ZFYVE1: variants seen among roughly 807,000 people sequenced by gnomAD.
ZFYVE1 encodes zinc finger FYVE domain-containing protein 1.
In ZFYVE1, 30 loss-of-function variants were observed where a neutral mutation model predicts 74.4. The observed-to-expected ratio is 0.40, with a 90% CI of 0.30 to 0.55. ZFYVE1 has a LOEUF of 0.55. ZFYVE1 is among the 20% of genes least tolerant of loss of function. The pLI, the probability that ZFYVE1 is intolerant of heterozygous loss-of-function variation, is 0.42. For missense variants in ZFYVE1, 703 were observed against 1,011.6 expected (o/e 0.69, Z 4.14); for synonymous variants, 335 against 385.1 (o/e 0.87, Z 1.52).
intron 2 of ZFYVE1, among the ~76,000 whole-genome samples, chr14:73,000,608 GAAAAA>G (rs554256584): frequency 8.8e-6 from 1 of 113,394 alleles, no homozygotes; most frequent in Non-Finnish European, 1.9e-5. Flanking sequence ...TGTCTCTAAA[GAAAAA>G]AAAAAAAAAG....
At position 73,024,090 on chromosome 14, in the gene ZFYVE1, T is replaced by C. The variant is rs772681051; in HGVS notation, c.419A>G (p.Lys140Arg). The C allele has an allele frequency of 2.5e-6, 4 of 1,614,220 alleles. No homozygotes were observed. In the South Asian group the frequency reaches 4.4e-5, roughly 18 times the overall value. Residue 140 changes from lysine (K) to arginine (R), a missense_variant, in exon 2 of 12, where the codon AAG (lysine) becomes AGG (arginine). Around this residue, in one of 2 missense-constraint regions of ZFYVE1, gnomAD observed 211 missense variants for 221.7 expected, o/e 0.95. Coordinates refer to ENST00000556143, the MANE Select transcript of ZFYVE1 (RefSeq NM_021260.4). ...LEAEEMDEET[K>R]RKKMTEKVVS... The stretch of plus-strand genomic sequence containing the variant: ...AACCTTCTCAGTCATCTTCTTCCTC[T>C]TGGTCTCCTCATCCATCTCTTCTGC...
At chr14:72,979,098 T>C (rs1893256599) in intron 5 of ZFYVE1, 129 bp from the exon 6 acceptor site, 2 of 777,530 alleles carry the variant, frequency 2.6e-6, no homozygotes, top group East Asian at 2.5e-5. Context: ...CCTCAGATGC[T>C]GAACACAGAA....
At position 72,969,922 on chromosome 14, in the gene ZFYVE1, A is replaced by C. The variant is rs888164163; in HGVS notation, c.*960T>G. ...GGTTTCTCATGATCGCCCCTCCGAGAGCTAGAGGGGTTGTGTGTCTGGGAA... is the reference window on the plus strand; with the variant it reads ...GGTTTCTCATGATCGCCCCTCCGAGCGCTAGAGGGGTTGTGTGTCTGGGAA... On this transcript the variant is annotated 3_prime_UTR_variant, in exon 12 of 12. Transcript: ENST00000556143. 1 of 599,228 alleles carries C rather than the reference A, an allele frequency of 1.7e-6. No homozygotes were observed. Among genetic ancestry groups the C allele is most frequent in the African/African-American group, 1.9e-5 (1 of 53,510 alleles). The allele number at this position is 599,228 out of a possible 1,614,324, so 37.1% of individuals were successfully genotyped here.
chr14:73,020,295 T>C (rs1594867725), intron 2 of ZFYVE1, among the ~76,000 whole-genome samples: 1 of 148,042 alleles, frequency 6.8e-6, no homozygotes, highest in Non-Finnish European at 1.5e-5. Context: ...AAGGAAAGGA[T>C]AAGTATACAT....
chr14:72,982,803 C>T (rs931538862), intron 4 of ZFYVE1, among the ~76,000 whole-genome samples: 4 of 151,634 alleles, frequency 2.6e-5, no homozygotes, highest in Non-Finnish European at 5.9e-5. Context: ...TAAAGGAGAT[C>T]TGGAAAAAGG....
chr14:73,014,967 G>A (rs1894159423), intron 2 of ZFYVE1, among the ~76,000 whole-genome samples: 1 of 152,092 alleles, frequency 6.6e-6, no homozygotes, highest in African/African-American at 2.4e-5. Context: ...GGGTGCAGTG[G>A]CTCATGCCTG....
At chr14:72,997,729 C>T (rs996466405) in intron 3 of ZFYVE1, 82 bp downstream of exon 3, 35 of 1,493,546 alleles carry the variant, frequency 2.3e-5, no homozygotes, top group Non-Finnish European at 3.1e-5. Context: ...AATCCACTAC[C>T]AACAAGTTGC....
intron 5 of ZFYVE1, among the ~76,000 whole-genome samples, chr14:72,980,640 T>C (rs1893303280): frequency 6.6e-6 from 1 of 152,096 alleles, no homozygotes. Context: ...CAATCTCAGC[T>C]CACTGCGGGC....
At chr14:72,988,635 CGT>C (rs1208453742) in intron 4 of ZFYVE1, among the ~76,000 whole-genome samples, 1 of 151,318 alleles carries the variant, frequency 6.6e-6, no homozygotes, top group Admixed American at 6.6e-5. Flanking sequence ...GGTGAAACCC[CGT>C]CTCTACTAAA....
chr14:73,005,223 G>A (rs1042413190), intron 2 of ZFYVE1, among the ~76,000 whole-genome samples: 12 of 152,036 alleles, frequency 7.9e-5, no homozygotes, highest in African/African-American at 9.7e-5. Context: ...TAGCAAGACC[G>A]GTTTTCAGTC....
At chr14:73,010,768 TAAAAAAAAAA>T (rs35771113) in intron 2 of ZFYVE1, among the ~76,000 whole-genome samples, 1 of 58,986 alleles carries the variant, frequency 1.7e-5, no homozygotes, top group Non-Finnish European at 2.9e-5. Context: ...AGACTCCATC[TAAAAAAAAAA>T]AAAAAAAAAA....
intron 4 of ZFYVE1, among the ~76,000 whole-genome samples, chr14:72,991,437 C>T (rs1195194392): frequency 6.6e-6 from 1 of 152,174 alleles, no homozygotes; most frequent in East Asian, 1.9e-4. Context: ...GATCCGCCCG[C>T]CTCGGCTTCC....
rs139314162 is a variant in ZFYVE1 at position 72,975,638 on chromosome 14, C to A, written c.1719G>T (p.Glu573Asp). 1.2e-6 allele frequency: 2 copies of A among 1,614,104 alleles called. No individual in the cohort carries two copies. The highest frequency in any genetic ancestry group is 2.7e-5 in the African/African-American group (2 of 74,934). Residue 573 changes from glutamate (E) to aspartate (D), a missense_variant, in exon 9 of 12, where the codon GAG (glutamate) becomes GAT (aspartate). Glu to Asp is a conservative substitution (Grantham distance 45). Transcript: ENST00000556143. This position sits in a 1 kb window ranked among gnomAD's most constrained non-coding sequence, Gnocchi z 4.1. ...GMNFMAQSVS[E>D]LSLGPTKAVT... The stretch of plus-strand genomic sequence containing the variant: ...CAGCCTTGGTGGGTCCAAGGCTAAG[C>A]TCGGACACCGACTGAGCCATGAAGT...
At chr14:72,986,502 T>C (rs12323848) in intron 4 of ZFYVE1, among the ~76,000 whole-genome samples, 68,415 of 147,184 alleles carry the variant, frequency 0.46, 16,371 homozygotes, top group Middle Eastern at 0.55. Flanking sequence ...AATCCAACGT[T>C]AGCATGTTTT....
chr14:72,973,420 C>T (rs1167367442), intron 11 of ZFYVE1, among the ~76,000 whole-genome samples: 1 of 151,932 alleles, frequency 6.6e-6, no homozygotes, highest in African/African-American at 2.4e-5. Context: ...ACCTGGAAGG[C>T]GGAGGTTGCA....
At chr14:73,026,599 T>C (rs1005608888) in intron 1 of ZFYVE1, among the ~76,000 whole-genome samples, 1 of 152,014 alleles carries the variant, frequency 6.6e-6, no homozygotes, top group Non-Finnish European at 1.5e-5. Flanking sequence ...CGCCCGGCCA[T>C]GTCAACCAAA....
chr14:73,013,067 T>A (rs1262337651), intron 2 of ZFYVE1, among the ~76,000 whole-genome samples: 1 of 152,066 alleles, frequency 6.6e-6, no homozygotes, highest in Admixed American at 6.6e-5. Flanking sequence ...TATTCTAACA[T>A]CTAGGGTCAA....
At chr14:73,020,792 A>G (rs1054957341) in intron 2 of ZFYVE1, among the ~76,000 whole-genome samples, 3 of 152,190 alleles carry the variant, frequency 2.0e-5, no homozygotes. Context: ...CCTAGCCAAC[A>G]TGCAAAACCA....
chr14:72,992,627 CCTT>C (rs201594113), intron 4 of ZFYVE1, among the ~76,000 whole-genome samples: 5,483 of 101,212 alleles, frequency 0.054, 563 homozygotes, highest in East Asian at 0.19. Flanking sequence ...CCCCCCCGCC[CCTT>C]GCAAGAGAGA....
Sources: gnomAD v4.1 joint callset for allele counts (sites outside exome capture counted in the v4.1 genomes callset) on GRCh38, gnomAD v4.1.1 for gene constraint, gnomAD v4.1.1 regional missense constraint, Gnocchi (gnomAD v3.1) non-coding constraint, MANE v1.5 for transcripts, NCBI Gene and HGNC (gene_info 2026-07-23, HGNC 2026-07-21) for gene names.